The following MCM10 variants were observed in gnomAD, a reference collection of about 807,000 sequenced individuals.
MCM10 encodes the protein minichromosome maintenance 10 replication initiation factor.
In MCM10, 91 loss-of-function variants were observed where a neutral mutation model predicts 109.9. The ratio of observed to expected loss-of-function variants is 0.83; its 90% CI spans 0.70 to 0.99. The LOEUF is 0.99. Among genes scored for constraint, MCM10 ranks in the 50% least tolerant of loss-of-function variants. The pLI is 0.00. For missense variants in MCM10, 1,077 were observed against 1,061.2 expected (o/e 1.01, Z -0.21); for synonymous variants, 380 against 387.2 (o/e 0.98, Z 0.22).
rs1833963479 is a variant in MCM10 at position 13,164,140 on chromosome 10, A to G, written c.-63A>G. The G allele has an allele frequency of 2.1e-6, 3 of 1,457,732 alleles. No homozygotes were observed. The highest frequency in any genetic ancestry group is 1.3e-5 in the South Asian group (1 of 76,494). The allele number at this position is 1,457,732 out of a possible 1,614,324, so 90.3% of individuals were successfully genotyped here. ...TGCTTTCACACAGCCAAGATTCTACATTGCTCATCTGGGCATCTGAGCCTC... is the reference window on the plus strand; with the variant it reads ...TGCTTTCACACAGCCAAGATTCTACGTTGCTCATCTGGGCATCTGAGCCTC... On this transcript the variant is annotated 5_prime_UTR_variant, in exon 2 of 20. Transcript: ENST00000378714.
At chr10:13,179,906 T>C (rs914086497) in intron 6 of MCM10, among the ~76,000 whole-genome samples, 2 of 152,198 alleles carry the variant, frequency 1.3e-5, no homozygotes, top group African/African-American at 4.8e-5. Flanking sequence ...ATCTTTCTTG[T>C]ATTCTATATA....
intron 6 of MCM10, among the ~76,000 whole-genome samples, chr10:13,179,247 G>C (rs1422989014): frequency 6.6e-6 from 1 of 152,076 alleles, no homozygotes; most frequent in Non-Finnish European, 1.5e-5. Flanking sequence ...TTTGCCTACT[G>C]TGTATGTGTG....
intron 8 of MCM10, among the ~76,000 whole-genome samples, chr10:13,183,467 T>C (rs1033577306): frequency 3.3e-5 from 5 of 152,240 alleles, no homozygotes; most frequent in African/African-American, 1.2e-4. Flanking sequence ...AGAAAAAAGT[T>C]TGTATTAGTC....
chr10:13,179,723 G>A (rs1021126331), intron 6 of MCM10, among the ~76,000 whole-genome samples: 3 of 151,904 alleles, frequency 2.0e-5, no homozygotes, highest in Admixed American at 2.0e-4. Flanking sequence ...TCAAAATGTT[G>A]TCTTTAAAAA....
chr10:13,179,270 T>C (rs962711380), intron 6 of MCM10, among the ~76,000 whole-genome samples: 3 of 152,196 alleles, frequency 2.0e-5, no homozygotes, highest in African/African-American at 7.2e-5. Flanking sequence ...GAGGCTCTTT[T>C]CTTGGTGTGT....
chr10:13,164,216 C>T lies in MCM10; in HGVS notation c.7+7C>T. 1 of 1,596,708 alleles carries T rather than the reference C, an allele frequency of 6.3e-7. No individual in the cohort carries two copies. Among genetic ancestry groups the T allele is most frequent in the Non-Finnish European group, 8.5e-7 (1 of 1,175,252 alleles). On this transcript the variant is annotated splice_region_variant and intron_variant, in intron 2 of 19. Coordinates refer to ENST00000378714, the MANE Select transcript of MCM10 (RefSeq NM_018518.5). ...CCTCTTGACAGCATGGATGGTAAGACCTGGCAGTTTTCTGTTACTCTGTTT... is the reference window on the plus strand; with the variant it reads ...CCTCTTGACAGCATGGATGGTAAGATCTGGCAGTTTTCTGTTACTCTGTTT...
At chr10:13,197,489 T>G in intron 14 of MCM10, 134 bp from the exon 15 acceptor site, 1 of 687,786 alleles carries the variant, frequency 1.5e-6, no homozygotes, top group Middle Eastern at 3.9e-4. Context: ...CTAAGTAAAA[T>G]TAAGATATGT....
chr10:13,161,910 TC>T (rs1833932136), intron 1 of MCM10, among the ~76,000 whole-genome samples: 1 of 152,138 alleles, frequency 6.6e-6, no homozygotes, highest in Non-Finnish European at 1.5e-5. Flanking sequence ...ATTCATTCAT[TC>T]ATTCATTGGT....
At chr10:13,193,434 A>G (rs923568299) in intron 13 of MCM10, among the ~76,000 whole-genome samples, 1 of 152,184 alleles carries the variant, frequency 6.6e-6, no homozygotes, top group Non-Finnish European at 1.5e-5. Context: ...TAAACACAGT[A>G]TCTGAGCCTC....
intron 2 of MCM10, among the ~76,000 whole-genome samples, chr10:13,167,587 G>C (rs904357877): frequency 3.9e-5 from 5 of 127,638 alleles, no homozygotes; most frequent in African/African-American, 1.3e-4. Flanking sequence ...GGGAGGACCG[G>C]GGGGGGCATG....
chr10:13,163,794 G>A (rs528106106), intron 1 of MCM10, among the ~76,000 whole-genome samples: 4 of 152,136 alleles, frequency 2.6e-5, no homozygotes, highest in African/African-American at 9.7e-5. Context: ...GCTTCCCAAA[G>A]TGCTGGTATT....
chr10:13,192,536 G>A lies in MCM10; in HGVS notation c.1713G>A (p.Met571Ile). 1 of 1,614,194 alleles carries A rather than the reference G, an allele frequency of 6.2e-7. No homozygotes were observed. Among genetic ancestry groups the A allele is most frequent in the Non-Finnish European group, 8.5e-7 (1 of 1,180,038 alleles). The part of the protein sequence containing the change: ...LKQQKQRMLE[M>I]RRRKSEEIQK... ...AACAGAAGCAGCGGATGTTGGAGATGAGGAGAAGGAAATCAGAAGAAATAC... is the reference window on the plus strand; with the variant it reads ...AACAGAAGCAGCGGATGTTGGAGATAAGGAGAAGGAAATCAGAAGAAATAC... The change falls in exon 13 of 20, where the codon ATG becomes ATA. Residue 571 changes from methionine (M) to isoleucine (I), a missense_variant. Physicochemically the swap from Met to Ile is conservative, Grantham distance 10. Transcript: ENST00000378714.
chr10:13,166,136 CTG>C (rs1251735652), intron 2 of MCM10, among the ~76,000 whole-genome samples: 2 of 151,864 alleles, frequency 1.3e-5, no homozygotes, highest in Non-Finnish European at 2.9e-5. Context: ...GAGGGAGAAA[CTG>C]GGGATTCAGG....
At chr10:13,201,813 G>A in intron 17 of MCM10, 1 of 356,504 alleles carries the variant, frequency 2.8e-6, no homozygotes, top group South Asian at 3.9e-5. Context: ...GGACCACTGG[G>A]TCCGCGTGGC....
chr10:13,171,655 C>G (rs1228563708), intron 3 of MCM10, among the ~76,000 whole-genome samples: 4 of 152,184 alleles, frequency 2.6e-5, no homozygotes, highest in Admixed American at 2.6e-4. Flanking sequence ...TCATTCCTGG[C>G]ATCTCATACA....
intron 16 of MCM10, among the ~76,000 whole-genome samples, chr10:13,199,838 G>A (rs989182650): frequency 2.6e-5 from 4 of 152,130 alleles, no homozygotes; most frequent in African/African-American, 7.2e-5. Flanking sequence ...CTTTGATAAT[G>A]TAGGGGTTTT....
intron 17 of MCM10, chr10:13,201,738 G>A (rs1275274627): frequency 1.8e-5 from 10 of 554,066 alleles, no homozygotes; most frequent in African/African-American, 9.5e-5. Context: ...AGTGTTTGTC[G>A]AGGGGATTCT....
intron 5 of MCM10, among the ~76,000 whole-genome samples, chr10:13,175,091 G>A (rs763055638): frequency 6.6e-6 from 1 of 151,820 alleles, no homozygotes; most frequent in Non-Finnish European, 1.5e-5. Context: ...TCGCACCACT[G>A]CACTCTGGGC....
In MCM10 at chr10:13,197,741, A is replaced by G; in HGVS notation, c.2093A>G (p.Glu698Gly). 1 of 1,612,710 alleles carries G rather than the reference A, an allele frequency of 6.2e-7. No individual in the cohort carries two copies. The highest frequency in any genetic ancestry group is 8.5e-7 in the Non-Finnish European group (1 of 1,179,716). Residue 698 changes from glutamate to glycine, a missense_variant, in exon 15 of 20, where the codon GAA becomes GGA. Transcript: ENST00000378714. ...ATCCTGGAGGTGAAGGAACGTGTAG[A>G]AAAAAACACCATGTTTTCTTCTCAA... ...QDILEVKERVEKNTMFSSQAE... is the reference protein window; with the variant it reads ...QDILEVKERVGKNTMFSSQAE...
Sources: gnomAD v4.1 joint callset for allele counts (sites outside exome capture counted in the v4.1 genomes callset) on GRCh38, gnomAD v4.1.1 for gene constraint, MANE v1.5 for transcripts, NCBI Gene and HGNC (gene_info 2026-07-23, HGNC 2026-07-21) for gene names.